The following COL12A1 variants were observed in gnomAD, a reference collection of about 807,000 sequenced individuals.
COL12A1 encodes the protein collagen type XII alpha 1 chain.
COL12A1 carries 114 observed loss-of-function variants against 349.7 expected under a neutral mutation model. That is an observed-to-expected ratio of 0.33 (90% CI 0.28 to 0.38). COL12A1 has a LOEUF of 0.38. Ranked by LOEUF, COL12A1 falls within the 10% of genes least tolerant of loss-of-function variation. COL12A1 has a pLI of 1.00. For missense variants in COL12A1, 3,284 were observed against 3,756.9 expected (o/e 0.87, Z 3.29); for synonymous variants, 1,369 against 1,329.0 (o/e 1.03, Z -0.66).
In COL12A1 at chr6:75,134,463, C is replaced by T. The variant is rs181074631; in HGVS notation, c.5524+263G>A. Among the ~76,000 whole-genome samples, 545 of 151,816 alleles carry T rather than the reference C, an allele frequency of 3.6e-3. 2 individuals carry two copies. Among genetic ancestry groups the T allele is most frequent in the African/African-American group, 0.012 (486 of 41,380 alleles). On this transcript the variant is annotated intron_variant, in intron 32 of 65. Coordinates refer to ENST00000322507, the MANE Select transcript of COL12A1 (RefSeq NM_004370.6). ...GTGTGCACCTGTAATCCCAGCTATT[C>T]GGGAGCCTGAGACAGGAGAATCGCT...
chr6:75,166,885 A>G (rs1379004026), intron 13 of COL12A1, among the ~76,000 whole-genome samples: 1 of 152,140 alleles, frequency 6.6e-6, no homozygotes, highest in Non-Finnish European at 1.5e-5. Flanking sequence ...AACCTATCAT[A>G]TATGGTCGAT....
chr6:75,104,815 T>A (rs114135444), intron 54 of COL12A1, among the ~76,000 whole-genome samples: 1,974 of 152,316 alleles, frequency 0.013, 41 homozygotes, highest in African/African-American at 0.043. Context: ...ATGTTCTAGG[T>A]TCTCAACAAG....
chr6:75,155,388 A>G (rs1767700870), intron 16 of COL12A1, among the ~76,000 whole-genome samples: 1 of 152,198 alleles, frequency 6.6e-6, no homozygotes, highest in African/African-American at 2.4e-5. Context: ...GGTGTTATTG[A>G]AAACACCAAT....
chr6:75,171,457 C>T (rs1053016980), intron 13 of COL12A1, among the ~76,000 whole-genome samples: 1 of 152,180 alleles, frequency 6.6e-6, no homozygotes, highest in Admixed American at 6.6e-5. Flanking sequence ...TGGTTGTAGA[C>T]CACACTACAC....
At chr6:75,169,762 T>A (rs964104040) in intron 13 of COL12A1, among the ~76,000 whole-genome samples, 4 of 152,208 alleles carry the variant, frequency 2.6e-5, no homozygotes, top group African/African-American at 9.7e-5. Context: ...TTATTACCAT[T>A]CCTTTGATTC....
In COL12A1 at chr6:75,147,705, T is replaced by A. The variant is rs897954123; in HGVS notation, c.4387A>T (p.Ser1463Cys). 6 of 1,612,728 alleles carry A rather than the reference T, an allele frequency of 3.7e-6. No homozygotes were observed. Among genetic ancestry groups the A allele is most frequent in the Non-Finnish European group, 4.2e-6 (5 of 1,179,294 alleles). The change falls in exon 23 of 66, where the codon AGT (serine) becomes TGT (cysteine). Residue 1463 changes from serine (S) to cysteine (C), a missense_variant. Coordinates refer to ENST00000322507, the MANE Select transcript of COL12A1 (RefSeq NM_004370.6). ...TTTTCTGTCCCCTTCAGAGGCTCAC[T>A]ATATTCATCTTCTACCACAGAATAC... is the stretch of plus-strand genomic sequence containing the variant. The part of the protein sequence containing the change: ...NVYSVVEDEY[S>C]EPLKGTEKTL...
chr6:75,165,536 TCTC>T lies in COL12A1; in HGVS notation c.2951_2953del (p.Gly984del). The T allele has an allele frequency of 6.2e-7, 1 of 1,613,724 alleles. No individual in the cohort carries two copies. The highest frequency in any genetic ancestry group is 1.7e-4 in the Middle Eastern group (1 of 6,060). On this transcript the variant is annotated inframe_deletion, in exon 14 of 66. Transcript: ENST00000322507. ...AGTTGTGGCATCTCCAGTCAAAGGT[TCTC>T]CTTCTCCACTGCTGTAAGTGGCAAA...
rs375673671 is a variant in COL12A1, at chr6:75,189,603, G to T, written c.607C>A (p.Leu203Ile). Residue 203 changes from leucine to isoleucine, a missense_variant, in exon 6 of 66, where the codon CTT (leucine) becomes ATT (isoleucine). Physicochemically the swap from Leu to Ile is conservative, Grantham distance 5 (BLOSUM62 2). Coordinates refer to ENST00000322507, the MANE Select transcript of COL12A1 (RefSeq NM_004370.6). ...GGAATTTTTTTTATTGCAGCAAGAA[G>T]TTCATCCCTTTGGTAGTACTGATTT... ...NLNQYYQRDELLAAIKKIPYK... is the reference protein window; with the variant it reads ...NLNQYYQRDEILAAIKKIPYK... The T allele has an allele frequency of 3.9e-5, 63 of 1,613,192 alleles. No individual in the cohort carries two copies. In the African/African-American group the frequency reaches 6.9e-4, roughly 18 times the overall value.
intron 13 of COL12A1, 43 bp from the exon 14 acceptor site, chr6:75,165,822 G>A: frequency 6.4e-7 from 1 of 1,570,462 alleles, no homozygotes; most frequent in Non-Finnish European, 8.7e-7. Context: ...AAAATGTCTA[G>A]TAGGTATTTA....
chr6:75,087,516 T>G (rs1234149297), intron 65 of COL12A1, 61 bp downstream of exon 65: 3 of 1,573,010 alleles, frequency 1.9e-6, no homozygotes, highest in Non-Finnish European at 2.6e-6. Context: ...CTAAGGAACT[T>G]CATTTCCGTA....
chr6:75,095,047 T>C (rs1233039188), intron 60 of COL12A1, 61 bp downstream of exon 60: 3 of 1,423,578 alleles, frequency 2.1e-6, no homozygotes, highest in East Asian at 2.3e-5. Flanking sequence ...AGCTTTGCAG[T>C]TCTCATTATT....
rs551312977 is a variant in COL12A1, at chr6:75,108,461, T to C, written c.8100+557A>G. 3.0e-4 allele frequency among the ~76,000 whole-genome samples: 45 copies of C among 152,234 alleles called. No homozygotes were observed. In the South Asian group the frequency reaches 9.1e-3, roughly 31 times the overall value. On this transcript the variant is annotated intron_variant, in intron 52 of 65. Coordinates refer to ENST00000322507, the MANE Select transcript of COL12A1 (RefSeq NM_004370.6). ...TTAGATTTAAATTTTCCCTATTAGATAGCATTGTAAATGGGGTTGGCACGC... is the reference window on the plus strand; with the variant it reads ...TTAGATTTAAATTTTCCCTATTAGACAGCATTGTAAATGGGGTTGGCACGC...
chr6:75,097,229 A>C, intron 59 of COL12A1, 24 bp downstream of exon 59: 2 of 1,611,310 alleles, frequency 1.2e-6, no homozygotes, highest in Non-Finnish European at 1.7e-6. Context: ...AAGGGCACAA[A>C]AATGAGACAC....
At chr6:75,156,167 T>G in intron 15 of COL12A1, 90 bp downstream of exon 15, 3 of 1,454,902 alleles carry the variant, frequency 2.1e-6, no homozygotes, top group Non-Finnish European at 2.8e-6. Context: ...GGAATCAGTT[T>G]TAAACATTTA....
intron 51 of COL12A1, among the ~76,000 whole-genome samples, chr6:75,110,179 A>T (rs1240864266): frequency 6.6e-6 from 1 of 152,078 alleles, no homozygotes; most frequent in Non-Finnish European, 1.5e-5. Flanking sequence ...TACTGAACTC[A>T]AGAAGAACAC....
intron 17 of COL12A1, 33 bp downstream of exon 17, chr6:75,154,383 G>A (rs1216463156): frequency 6.2e-7 from 1 of 1,601,548 alleles, no homozygotes; most frequent in Non-Finnish European, 8.5e-7. Flanking sequence ...TTCCTAAGTT[G>A]TTTTCCTCAA....
chr6:75,185,548 G>C (rs1011870521), intron 8 of COL12A1, among the ~76,000 whole-genome samples: 15 of 152,204 alleles, frequency 9.9e-5, no homozygotes, highest in African/African-American at 3.6e-4. Context: ...ACTGCCAAAA[G>C]CAATCTATAG....
intron 58 of COL12A1, among the ~76,000 whole-genome samples, chr6:75,099,330 A>G (rs1412329653): frequency 1.3e-5 from 2 of 152,234 alleles, no homozygotes; most frequent in East Asian, 1.9e-4. Context: ...TAACACCAAT[A>G]TCACTTCTAA....
At chr6:75,130,469 A>G (rs958837832) in intron 36 of COL12A1, among the ~76,000 whole-genome samples, 23 of 152,278 alleles carry the variant, frequency 1.5e-4, no homozygotes, top group Middle Eastern at 3.4e-3. Context: ...ACTAGGAAAA[A>G]GGGGGATTAT....
Sources: allele counts gnomAD v4.1 joint callset (sites outside exome capture counted in the v4.1 genomes callset), GRCh38; gene constraint gnomAD v4.1.1; transcripts MANE v1.5; gene names NCBI Gene and HGNC (gene_info 2026-07-23, HGNC 2026-07-21).